Variants in JAK1 observed in about 807,000 individuals in gnomAD.
JAK1 encodes the protein tyrosine-protein kinase JAK1.
In JAK1, 16 loss-of-function variants were observed where a neutral mutation model predicts 136.6. That is an observed-to-expected ratio of 0.12 (90% CI 0.08 to 0.18). The LOEUF is 0.18. JAK1 is among the 10% of genes least tolerant of loss of function. The pLI, the probability that JAK1 is intolerant of heterozygous loss-of-function variation, is 1.00. For synonymous variants in JAK1, 492 were observed against 519.5 expected (o/e 0.95, Z 0.72); for missense variants, 859 against 1,450.1 (o/e 0.59, Z 6.62).
intron 1 of JAK1, among the ~76,000 whole-genome samples, chr1:64,943,844 A>T (rs1158247177): frequency 6.6e-6 from 1 of 152,028 alleles, no homozygotes; most frequent in Non-Finnish European, 1.5e-5. Context: ...AATAAAAAAA[A>T]AAAAGACAAA....
At chr1:64,966,973 T>C (rs1299192328), upstream of JAK1, among the ~76,000 whole-genome samples, 1 of 151,538 alleles carries the variant, frequency 6.6e-6, no homozygotes, top group African/African-American at 2.4e-5. Context: ...AGTGGAGCAC[T>C]AGACTAAAAA....
chr1:64,908,499 T>C (rs1309644490), intron 1 of JAK1, among the ~76,000 whole-genome samples: 2 of 152,176 alleles, frequency 1.3e-5, no homozygotes, highest in East Asian at 3.8e-4. Flanking sequence ...AAAATATATA[T>C]ATTAATTATG....
At position 65,005,456 on chromosome 1, in the gene JAK1, G is replaced by A. The variant is rs1323371481; in HGVS notation, c.-78+39024C>T. Among the ~76,000 whole-genome samples, 7 of 152,226 alleles carry A rather than the reference G, an allele frequency of 4.6e-5. 1 individual carries two copies. In the South Asian group the frequency reaches 1.4e-3, roughly 32 times the overall value. On this transcript the variant is annotated intron_variant, in intron 2 of 25. Coordinates refer to the JAK1 transcript ENST00000671954. ...ATACAAATTTACAGCTGGATGAAAG[G>A]AATAAGTTCTAGTGTTCTATAGCAC... is the stretch of plus-strand genomic sequence containing the variant.
rs1238119373 is a variant in JAK1, at chr1:64,860,279, A to C, written c.1177-17T>G. On this transcript the variant is annotated splice_polypyrimidine_tract_variant and intron_variant, in intron 8 of 24. Transcript: ENST00000342505. ...CTTCAGTTCCTGTTGAGAGAGAAGA[A>C]ATTCCCACGGTTACATCATGTCTCT... 2 of 1,591,740 alleles carry C rather than the reference A, an allele frequency of 1.3e-6. No homozygotes were observed. The highest frequency in any genetic ancestry group is 4.5e-5 in the East Asian group (2 of 44,636).
intron 2 of JAK1, among the ~76,000 whole-genome samples, chr1:65,035,885 G>A (rs1191465851): frequency 6.6e-6 from 1 of 151,938 alleles, no homozygotes; most frequent in Non-Finnish European, 1.5e-5. Flanking sequence ...TGGCCAACAT[G>A]GTGAAACCCC....
intron 1 of JAK1, among the ~76,000 whole-genome samples, chr1:64,926,137 T>C (rs1422820493): frequency 1.3e-5 from 2 of 152,130 alleles, no homozygotes; most frequent in African/African-American, 4.8e-5. Flanking sequence ...ATGCATAAAC[T>C]GAAAGCTTCG....
At chr1:64,840,931 C>T (rs533256327) in intron 19 of JAK1, among the ~76,000 whole-genome samples, 1 of 152,284 alleles carries the variant, frequency 6.6e-6, no homozygotes, top group African/African-American at 2.4e-5. Flanking sequence ...CCTACTCCCC[C>T]ATCTCTCCCT....
chr1:64,838,321 G>T, intron 21 of JAK1, 144 bp downstream of exon 21: 1 of 923,614 alleles, frequency 1.1e-6, no homozygotes, highest in Non-Finnish European at 1.6e-6. Flanking sequence ...CTTAGTAGAA[G>T]CTAACTTTTC....
At chr1:65,025,280 G>C (rs1646968767) in intron 2 of JAK1, among the ~76,000 whole-genome samples, 1 of 152,160 alleles carries the variant, frequency 6.6e-6, no homozygotes, top group Non-Finnish European at 1.5e-5. Flanking sequence ...GCAATGGTTA[G>C]AGCCCACCCG....
chr1:65,038,195 TTTC>T (rs1245121655), intron 2 of JAK1, among the ~76,000 whole-genome samples: 2 of 148,560 alleles, frequency 1.3e-5, no homozygotes, highest in Admixed American at 1.3e-4. Context: ...TCTTTTTTCT[TTTC>T]TTTTTTTTTT....
At chr1:64,895,699 T>C (rs1242132755) in intron 1 of JAK1, among the ~76,000 whole-genome samples, 1 of 152,238 alleles carries the variant, frequency 6.6e-6, no homozygotes, top group Non-Finnish European at 1.5e-5. Context: ...AGCTCTTCAG[T>C]TGGTTACCTC....
intron 9 of JAK1, among the ~76,000 whole-genome samples, chr1:64,858,569 A>T (rs1371789426): frequency 6.6e-6 from 1 of 152,176 alleles, no homozygotes; most frequent in Non-Finnish European, 1.5e-5. Context: ...TCTTTAGGCA[A>T]GGAATGTCAG....
intron 1 of JAK1, among the ~76,000 whole-genome samples, chr1:64,954,026 T>C (rs1373424442): frequency 3.9e-5 from 6 of 152,146 alleles, no homozygotes; most frequent in Admixed American, 3.9e-4. Context: ...TATAGACACA[T>C]CAAGGCACAT....
intron 1 of JAK1, among the ~76,000 whole-genome samples, chr1:65,064,206 A>G (rs1456050492): frequency 6.6e-6 from 1 of 152,230 alleles, no homozygotes; most frequent in Non-Finnish European, 1.5e-5. Flanking sequence ...AAGCTTTCCA[A>G]TAACTAAATC....
At chr1:65,059,463 C>T (rs1166730168) in intron 1 of JAK1, among the ~76,000 whole-genome samples, 1 of 152,170 alleles carries the variant, frequency 6.6e-6, no homozygotes, top group Non-Finnish European at 1.5e-5. Context: ...AGAATGTACT[C>T]AAATTAGTAA....
intron 1 of JAK1, among the ~76,000 whole-genome samples, chr1:64,907,570 G>C (rs1645211824): frequency 6.6e-6 from 1 of 152,060 alleles, no homozygotes; most frequent in Admixed American, 6.6e-5. Context: ...AGAGGATCAG[G>C]AAAAATAACT....
At chr1:64,957,353 A>G (rs1479499814) in intron 1 of JAK1, among the ~76,000 whole-genome samples, 1 of 152,156 alleles carries the variant, frequency 6.6e-6, no homozygotes, top group East Asian at 1.9e-4. Flanking sequence ...GCCCTGCTTG[A>G]CCAGGTTCCT....
rs375778636 is a variant in JAK1, at chr1:65,064,317, T to C, written c.-181+3287A>G. Among the ~76,000 whole-genome samples, 7 of 152,256 alleles carry C rather than the reference T, an allele frequency of 4.6e-5. No homozygotes were observed. The East Asian group carries it at 1.2e-3, about 25-fold the overall frequency. ...ATAGCCACGTGGCTAGTGGCTACCA[T>C]ATTAGGGCAGGTATCCTGTCTCTGT... is the stretch of plus-strand genomic sequence containing the variant. On this transcript the variant is annotated intron_variant, in intron 1 of 25. Transcript: ENST00000671954.
chr1:64,915,586 G>A (rs1237197684), intron 1 of JAK1, among the ~76,000 whole-genome samples: 1 of 152,196 alleles, frequency 6.6e-6, no homozygotes. Flanking sequence ...CACAATAATG[G>A]AAACGTTTTG....
Sources: allele counts gnomAD v4.1 joint callset (sites outside exome capture counted in the v4.1 genomes callset), GRCh38; gene constraint gnomAD v4.1.1; transcripts MANE v1.5; gene names NCBI Gene and HGNC (gene_info 2026-07-23, HGNC 2026-07-21).